SAG: variants seen among roughly 807,000 people sequenced by gnomAD.
SAG encodes the protein S-arrestin.
Under a neutral mutation model 55.0 loss-of-function variants are expected in SAG, and 45 were observed. The observed-to-expected ratio is 0.82, with a 90% CI of 0.64 to 1.05. The LOEUF is 1.05. Ranked by LOEUF, SAG falls within the 50% of genes least tolerant of loss-of-function variation. The pLI is 0.00. For missense variants in SAG, 455 were observed against 512.1 expected, an observed-to-expected ratio of 0.89 and a Z score of 1.08; for synonymous variants, 189 against 197.4, an observed-to-expected ratio of 0.96 and a Z score of 0.36.
intron 1 of SAG, among the ~76,000 whole-genome samples, chr2:233,308,280 T>G (rs1287375382): frequency 6.6e-6 from 1 of 152,064 alleles, no homozygotes; most frequent in Non-Finnish European, 1.5e-5. Flanking sequence ...AGCAATACAG[T>G]CAGACCCAGT....
chr2:233,330,475 CCCTT>C (rs775846940), intron 9 of SAG, among the ~76,000 whole-genome samples: 8,026 of 44,338 alleles, frequency 0.18, 363 homozygotes, highest in East Asian at 0.26. Context: ...TTCCCTCCCT[CCCTT>C]CCTTCCTTCC....
At chr2:233,318,292 G>A (rs1369292259) in intron 3 of SAG, among the ~76,000 whole-genome samples, 1 of 151,690 alleles carries the variant, frequency 6.6e-6, no homozygotes, top group African/African-American at 2.4e-5. Flanking sequence ...AGCCTCCTGA[G>A]TAGTTGGGAC....
intron 3 of SAG, among the ~76,000 whole-genome samples, chr2:233,317,195 A>G (rs1700237250): frequency 1.3e-5 from 2 of 152,208 alleles, no homozygotes; most frequent in South Asian, 4.1e-4. Flanking sequence ...CATACTTACC[A>G]TATGACCCAA....
At chr2:233,323,086 T>TAAAACCCTG in intron 6 of SAG, 81 bp downstream of exon 6, 1 of 902,552 alleles carries the variant, frequency 1.1e-6, no homozygotes, top group Non-Finnish European at 1.8e-6. Context: ...TGAAACAGGG[T>TAAAACCCTG]TTTACTCTGT....
chr2:233,310,835 G>A (rs915864822), intron 2 of SAG, among the ~76,000 whole-genome samples: 2 of 151,998 alleles, frequency 1.3e-5, no homozygotes, highest in African/African-American at 2.4e-5. Context: ...AACCCGGTAT[G>A]GGGTCCAAAG....
rs772312202 is a variant in SAG at position 233,309,206 on chromosome 2, A to G, written c.17A>G (p.Lys6Arg). 8.7e-6 allele frequency: 14 copies of G among 1,613,700 alleles called. No homozygotes were observed. In the African/African-American group the frequency reaches 1.7e-4, roughly 20 times the overall value. The stretch of plus-strand genomic sequence containing the variant: ...ACAGATAACATGGCAGCCAGCGGGA[A>G]GACCAGCAAGTCCGAACCGAACCAT... Reference protein sequence around the residue: MAASGKTSKSEPNHVI... With the variant: MAASGRTSKSEPNHVI... Residue 6 changes from lysine to arginine, a missense_variant, in exon 2 of 16, where the codon AAG (lysine) becomes AGG (arginine). Coordinates refer to ENST00000409110, the MANE Select transcript of SAG (RefSeq NM_000541.5).
chr2:233,318,636 T>C (rs1700283353), intron 3 of SAG, 115 bp from the exon 4 acceptor site: 2 of 910,404 alleles, frequency 2.2e-6, no homozygotes, highest in Non-Finnish European at 3.5e-6. Flanking sequence ...TTTCTTTCTT[T>C]CTTATAATGA....
chr2:233,327,464 GTTGTTTGT>G (rs149932084), intron 7 of SAG: 8 of 338,026 alleles, frequency 2.4e-5, no homozygotes, highest in South Asian at 6.1e-5. Flanking sequence ...TTTTGTTGTT[GTTGTTTGT>G]TTGTTTGTTT....
intron 11 of SAG, among the ~76,000 whole-genome samples, chr2:233,337,555 A>C (rs1677744960): frequency 6.6e-6 from 1 of 152,108 alleles, no homozygotes; most frequent in Non-Finnish European, 1.5e-5. Context: ...TCCTCTTTTA[A>C]ATGAGCTCCA....
rs1700156572 is a variant in SAG, at chr2:233,314,196, T to C, written c.76-1879T>C. On this transcript the variant is annotated intron_variant, in intron 2 of 15. Coordinates refer to ENST00000409110, the MANE Select transcript of SAG (RefSeq NM_000541.5). The stretch of plus-strand genomic sequence containing the variant: ...GAGATAGTGCCACTGCACTCCAGCC[T>C]GGGCGACAGAATGAGACCTTGTCTC... 1.3e-5 allele frequency among the ~76,000 whole-genome samples: 2 copies of C among 149,138 alleles called. 1 individual carries two copies. Among genetic ancestry groups the C allele is most frequent in the South Asian group, 4.2e-4 (2 of 4,750 alleles).
At chr2:233,325,959 T>C (rs902543546) in intron 6 of SAG, among the ~76,000 whole-genome samples, 2 of 152,228 alleles carry the variant, frequency 1.3e-5, no homozygotes, top group South Asian at 2.1e-4. Context: ...AGGACTGCTA[T>C]GATTCCCTGG....
At chr2:233,341,251 C>A (rs1701092359) in intron 13 of SAG, among the ~76,000 whole-genome samples, 1 of 152,210 alleles carries the variant, frequency 6.6e-6, no homozygotes, top group Non-Finnish European at 1.5e-5. Flanking sequence ...TCAAGCAATT[C>A]TCCTGCCTCA....
Position 233,346,962 on chromosome 2 carries a change from G to T in SAG, c.*50G>T. ...AATGACCTGTAGTTACCAGTGCAACGAGCAAAGCCCCACAGTTTAGTCCTT... is the reference window on the plus strand; with the variant it reads ...AATGACCTGTAGTTACCAGTGCAACTAGCAAAGCCCCACAGTTTAGTCCTT... On this transcript the variant is annotated 3_prime_UTR_variant, in exon 16 of 16. Transcript: ENST00000409110. 9.7e-7 allele frequency: 1 copy of T among 1,033,144 alleles called. No homozygotes were observed. The highest frequency in any genetic ancestry group is 1.5e-6 in the Non-Finnish European group (1 of 669,350). The allele number at this position is 1,033,144 out of a possible 1,614,324, so 64.0% of individuals were successfully genotyped here. A position where few individuals can be genotyped will look rare whatever the true frequency, so the allele number is the denominator to read the frequency against.
chr2:233,314,096 T>C (rs1700153572), intron 2 of SAG, among the ~76,000 whole-genome samples: 1 of 151,494 alleles, frequency 6.6e-6, no homozygotes, highest in South Asian at 2.1e-4. Flanking sequence ...GTGGCGTGCA[T>C]CTGTAGTCCC....
chr2:233,342,073 G>A (rs1023267759), intron 13 of SAG, among the ~76,000 whole-genome samples, 198 bp from the exon 14 acceptor site: 3 of 150,180 alleles, frequency 2.0e-5, no homozygotes, highest in Non-Finnish European at 2.9e-5. Context: ...GCAGTGAGCC[G>A]AGATTGCGCC....
chr2:233,317,826 TG>T (rs1700253429), intron 3 of SAG, among the ~76,000 whole-genome samples: 17 of 152,208 alleles, frequency 1.1e-4, no homozygotes, highest in Admixed American at 1.1e-3. Context: ...TATACGTGTG[TG>T]TATAGATGTA....
chr2:233,313,327 C>T (rs1400654248), intron 2 of SAG, among the ~76,000 whole-genome samples: 4 of 152,176 alleles, frequency 2.6e-5, no homozygotes, highest in Non-Finnish European at 4.4e-5. Context: ...GTGGCAGAGC[C>T]GCTGTGGCCA....
At chr2:233,321,025 C>G (rs990627254) in intron 5 of SAG, among the ~76,000 whole-genome samples, 1 of 152,074 alleles carries the variant, frequency 6.6e-6, no homozygotes, top group African/African-American at 2.4e-5. Context: ...TTGAAGACAC[C>G]CTTTCAACCT....
chr2:233,309,773 C>T (rs1700026939), intron 2 of SAG, among the ~76,000 whole-genome samples: 1 of 152,218 alleles, frequency 6.6e-6, no homozygotes, highest in African/African-American at 2.4e-5. Flanking sequence ...TCTCTTCAGT[C>T]TCATCAAGAC....
Sources: allele counts gnomAD v4.1 joint callset (sites outside exome capture counted in the v4.1 genomes callset), GRCh38; gene constraint gnomAD v4.1.1; transcripts MANE v1.5; gene names NCBI Gene and HGNC (gene_info 2026-07-23, HGNC 2026-07-21).